Variants in RBFOX1 observed in about 807,000 individuals in gnomAD.
The protein encoded by RBFOX1 is RNA binding fox-1 homolog 1.
Under a neutral mutation model 57.7 loss-of-function variants are expected in RBFOX1, and 8 were observed. The ratio of observed to expected loss-of-function variants is 0.14; its 90% CI spans 0.08 to 0.25. The LOEUF (loss-of-function observed/expected upper bound fraction) is 0.25. Ranked by LOEUF, RBFOX1 falls within the 10% of genes least tolerant of loss-of-function variation. The pLI, the probability that RBFOX1 is intolerant of heterozygous loss-of-function variation, is 1.00. For synonymous variants in RBFOX1, 326 were observed against 222.4 expected (o/e 1.47, Z -4.15); for missense variants, 611 against 548.5 (o/e 1.11, Z -1.14).
In RBFOX1 at chr16:6,636,748, T is replaced by C. The variant is rs1366204930; in HGVS notation, c.-63-17855T>C. 3.1e-5 allele frequency among the ~76,000 whole-genome samples: 4 copies of C among 129,174 alleles called. No homozygotes were observed. In the East Asian group the frequency reaches 8.5e-4, roughly 27 times the overall value. The allele number at this position is 129,174 out of a possible 152,430, so 84.7% of individuals were successfully genotyped here. ...AGTCATAAAATAAGCCAATTATATA[T>C]AATATAGTTTATATATATAATATAT... On this transcript the variant is annotated intron_variant, in intron 2 of 15. Coordinates refer to ENST00000550418, the MANE Select transcript of RBFOX1 (RefSeq NM_018723.4).
intron 1 of RBFOX1, among the ~76,000 whole-genome samples, chr16:5,309,731 G>T (rs993852112): frequency 1.3e-5 from 2 of 152,080 alleles, no homozygotes; most frequent in African/African-American, 4.8e-5. Context: ...TGATTATAGA[G>T]AGTATAATTT....
At chr16:7,460,914 C>T (rs900794702) in intron 4 of RBFOX1, among the ~76,000 whole-genome samples, 1 of 152,098 alleles carries the variant, frequency 6.6e-6, no homozygotes, top group Admixed American at 6.6e-5. Context: ...ATGAAAATGG[C>T]TGGTTCTTGG....
At chr16:5,372,625 A>G (rs1254396905) in intron 1 of RBFOX1, among the ~76,000 whole-genome samples, 1 of 152,098 alleles carries the variant, frequency 6.6e-6, no homozygotes, top group Non-Finnish European at 1.5e-5. Context: ...AGGTCTCTCT[A>G]CTATCGTGGC....
rs60637926 is a variant in RBFOX1 at position 6,344,407 on chromosome 16, C to CTTTTTTTTTTTTTTT, written c.-64+27362_-64+27363insTTTTTTTTTTTTTTT. Among the ~76,000 whole-genome samples, 45 of 109,840 alleles carry CTTTTTTTTTTTTTTT rather than the reference C, an allele frequency of 4.1e-4. 3 individuals are homozygous for CTTTTTTTTTTTTTTT. Among genetic ancestry groups the CTTTTTTTTTTTTTTT allele is most frequent in the African/African-American group, 1.5e-3 (35 of 22,988 alleles). 72.1% of individuals were successfully genotyped at this position (109,840 alleles called of 152,430 possible). ...TCTCTTCTTCTTTTTTCTTTTTTTTCTTTTTTTTTTTTGAGACAGAGTCTC... is the reference window on the plus strand; with the variant it reads ...TCTCTTCTTCTTTTTTCTTTTTTTTCTTTTTTTTTTTTTTTTTTTTTTTTTTTGAGACAGAGTCTC... On this transcript the variant is annotated intron_variant, in intron 2 of 15. Coordinates refer to ENST00000550418, the MANE Select transcript of RBFOX1 (RefSeq NM_018723.4).
intron 4 of RBFOX1, among the ~76,000 whole-genome samples, chr16:7,182,648 G>A (rs2082949557): frequency 6.6e-6 from 1 of 152,130 alleles, no homozygotes; most frequent in South Asian, 2.1e-4. Flanking sequence ...GATTCCAGAG[G>A]ATTCCAGAGG....
At chr16:7,626,592 C>T (rs981021365) in intron 10 of RBFOX1, among the ~76,000 whole-genome samples, 10 of 152,078 alleles carry the variant, frequency 6.6e-5, no homozygotes, top group Non-Finnish European at 1.0e-4. Context: ...GTCCAGGCTG[C>T]GCAGGTTTCT....
intron 3 of RBFOX1, among the ~76,000 whole-genome samples, chr16:6,844,041 TTCTC>T (rs1021624936): frequency 3.3e-5 from 5 of 152,036 alleles, no homozygotes; most frequent in South Asian, 2.1e-4. Flanking sequence ...TCCATTTTCT[TTCTC>T]TCTCTCTTTC....
rs532936741 is a variant in RBFOX1 at position 7,211,218 on chromosome 16, C to T, written c.27+159120C>T. ...TGTCCTGGCTAACACAGTTAAACCC[C>T]GTCTCTACTAAAAACACAAAGAAAT... On this transcript the variant is annotated intron_variant, in intron 4 of 15. Transcript: ENST00000550418. Among the ~76,000 whole-genome samples, 167 of 151,706 alleles carry T rather than the reference C, an allele frequency of 1.1e-3. 1 individual carries two copies. Among genetic ancestry groups the T allele is most frequent in the African/African-American group, 3.9e-3 (163 of 41,396 alleles).
At chr16:7,376,583 A>T (rs950506855) in intron 4 of RBFOX1, among the ~76,000 whole-genome samples, 4 of 152,188 alleles carry the variant, frequency 2.6e-5, no homozygotes, top group Middle Eastern at 3.2e-3. Context: ...CCTCCAGCTA[A>T]CTACCAGGGG....
chr16:6,450,818 C>CATATATATATGTATATACAT (rs2094590960), intron 2 of RBFOX1, among the ~76,000 whole-genome samples: 2 of 17,718 alleles, frequency 1.1e-4, no homozygotes, highest in East Asian at 5.3e-3. Flanking sequence ...TATATATATA[C>CATATATATATGTATATACAT]ATATATATAT....
At chr16:5,343,298 G>T (rs1229761714) in intron 1 of RBFOX1, among the ~76,000 whole-genome samples, 34 of 109,944 alleles carry the variant, frequency 3.1e-4, no homozygotes, top group East Asian at 9.0e-4. Context: ...CTTCTTTGAA[G>T]TTTTTTTTTT....
intron 4 of RBFOX1, among the ~76,000 whole-genome samples, chr16:7,248,137 G>T (rs2094377672): frequency 6.6e-6 from 1 of 152,208 alleles, no homozygotes; most frequent in African/African-American, 2.4e-5. Context: ...ACTTCAGAGG[G>T]AGATGGCTCT....
At chr16:5,954,840 A>C (rs1292875694) in intron 4 of RBFOX1, among the ~76,000 whole-genome samples, 1 of 151,972 alleles carries the variant, frequency 6.6e-6, no homozygotes, top group Non-Finnish European at 1.5e-5. Context: ...GTTATGGAGG[A>C]GGAGAGCATT....
intron 3 of RBFOX1, among the ~76,000 whole-genome samples, chr16:5,767,348 C>T (rs535235794): frequency 6.6e-6 from 1 of 152,230 alleles, no homozygotes; most frequent in Non-Finnish European, 1.5e-5. Context: ...AGATGGGATG[C>T]TGCCCAGAGG....
At chr16:7,446,621 T>C (rs939589581) in intron 4 of RBFOX1, among the ~76,000 whole-genome samples, 2 of 152,048 alleles carry the variant, frequency 1.3e-5, no homozygotes, top group African/African-American at 4.8e-5. Context: ...CAGATCAAGC[T>C]TCCTGAACCA....
chr16:5,581,377 A>G (rs536404226), intron 2 of RBFOX1, among the ~76,000 whole-genome samples: 7 of 152,338 alleles, frequency 4.6e-5, no homozygotes, highest in African/African-American at 1.4e-4. Context: ...CTTTTGTCCA[A>G]TACCTATGTG....
intron 3 of RBFOX1, among the ~76,000 whole-genome samples, chr16:7,050,194 T>C (rs2153726275): frequency 6.6e-6 from 1 of 151,894 alleles, no homozygotes; most frequent in Non-Finnish European, 1.5e-5. Flanking sequence ...ACCAGTTTCT[T>C]TTTTAATTTT....
intron 3 of RBFOX1, among the ~76,000 whole-genome samples, chr16:6,662,418 A>G (rs911899983): frequency 6.6e-6 from 1 of 151,278 alleles, no homozygotes; most frequent in African/African-American, 2.5e-5. Flanking sequence ...TTTCAGTTTT[A>G]TCTCAATACA....
intron 3 of RBFOX1, among the ~76,000 whole-genome samples, chr16:5,827,025 T>A (rs969088156): frequency 1.6e-4 from 24 of 152,170 alleles, no homozygotes; most frequent in Non-Finnish European, 2.9e-4. Context: ...ATCTCTTCGT[T>A]GGAGCATCCT....
Sources: gnomAD v4.1 joint callset for allele counts (sites outside exome capture counted in the v4.1 genomes callset) on GRCh38, gnomAD v4.1.1 for gene constraint, MANE v1.5 for transcripts, NCBI Gene and HGNC (gene_info 2026-07-23, HGNC 2026-07-21) for gene names.